Variants in PRRC2C observed in about 807,000 individuals in gnomAD.
The protein encoded by PRRC2C is proline rich coiled-coil 2C, also known as protein PRRC2C.
A neutral mutation model predicts 317.2 loss-of-function variants in PRRC2C; 72 were observed. The ratio of observed to expected loss-of-function variants is 0.23; its 90% CI spans 0.19 to 0.28. The LOEUF is 0.28. PRRC2C is among the 10% of genes least tolerant of loss of function. The pLI, the probability that PRRC2C is intolerant of heterozygous loss-of-function variation, is 1.00. For missense variants in PRRC2C, 3,074 were observed against 3,459.7 expected, an observed-to-expected ratio of 0.89 and a Z score of 2.80; for synonymous variants, 1,296 against 1,205.9, an observed-to-expected ratio of 1.07 and a Z score of -1.55.
chr1:171,574,686 G>A (rs966219066), intron 24 of PRRC2C, among the ~76,000 whole-genome samples: 5 of 152,144 alleles, frequency 3.3e-5, no homozygotes, highest in African/African-American at 1.2e-4. Flanking sequence ...AGGGATAAGG[G>A]CTCATGTTTA....
intron 18 of PRRC2C, among the ~76,000 whole-genome samples, chr1:171,555,374 TC>T (rs1215224752): frequency 1.3e-5 from 2 of 152,226 alleles, no homozygotes; most frequent in Non-Finnish European, 2.9e-5. Flanking sequence ...TAATCTTTTT[TC>T]AAGGTTTTTA....
Position 171,577,593 on chromosome 1 carries a change from A to C in PRRC2C, c.7115A>C (p.Gln2372Pro). ...AGCTGTATGCCTTCCCTTATTGCCC[A>C]GCAGCAACAGAATCCGCAAGTTTAT... ...QLSCMPSLIA[Q>P]QQQNPQVYVS... Residue 2372 changes from glutamine (Q) to proline (P), a missense_variant, in exon 26 of 35, where the codon CAG becomes CCG. Gln to Pro is a moderately conservative substitution (Grantham distance 76). Coordinates refer to ENST00000647382, the MANE Select transcript of PRRC2C (RefSeq NM_001387844.1). 1 of 1,613,824 alleles carries C rather than the reference A, an allele frequency of 6.2e-7. No individual in the cohort carries two copies. Among genetic ancestry groups the C allele is most frequent in the Non-Finnish European group, 8.5e-7 (1 of 1,179,810 alleles).
intron 18 of PRRC2C, 94 bp downstream of exon 18, chr1:171,550,334 G>T: frequency 8.6e-7 from 1 of 1,156,612 alleles, no homozygotes; most frequent in Non-Finnish European, 1.2e-6. Context: ...TGTCAAGGCT[G>T]TTTTCATTAT....
chr1:171,577,950 C>CTTTTTTTTT (rs59582313), intron 26 of PRRC2C, among the ~76,000 whole-genome samples: 3 of 103,748 alleles, frequency 2.9e-5, no homozygotes, highest in Non-Finnish European at 5.6e-5. Flanking sequence ...GCTAATTTTT[C>CTTTTTTTTT]TTTTTTTTTT....
At chr1:171,518,885 C>CTTT (rs767023404) in intron 6 of PRRC2C, among the ~76,000 whole-genome samples, 1 of 130,868 alleles carries the variant, frequency 7.6e-6, no homozygotes, top group Non-Finnish European at 1.7e-5. Flanking sequence ...TTTCCTACCA[C>CTTT]TTTTTTTTTT....
chr1:171,523,874 A>G (rs1557911618), intron 9 of PRRC2C, among the ~76,000 whole-genome samples: 1 of 152,054 alleles, frequency 6.6e-6, no homozygotes, highest in Non-Finnish European at 1.5e-5. Flanking sequence ...CATCTCTACT[A>G]AAAATACAAA....
chr1:171,590,915 G>T (rs1236683654), intron 34 of PRRC2C, among the ~76,000 whole-genome samples: 1 of 152,188 alleles, frequency 6.6e-6, no homozygotes, highest in African/African-American at 2.4e-5. Context: ...TCTTTGGATA[G>T]TACAGGTTAC....
intron 32 of PRRC2C, 110 bp downstream of exon 32, chr1:171,587,861 T>C (rs1650411090): frequency 9.3e-6 from 6 of 642,798 alleles, no homozygotes; most frequent in African/African-American, 1.8e-5. Flanking sequence ...AAAGGAATTA[T>C]TAAGACATTC....
In PRRC2C at chr1:171,579,250, G is replaced by C. The variant is rs537356907; in HGVS notation, c.7160-104G>C. On this transcript the variant is annotated intron_variant, in intron 26 of 34. Coordinates refer to ENST00000647382, the MANE Select transcript of PRRC2C (RefSeq NM_001387844.1). ...TTCCATGGCTGTATTTTCAGAGGGT[G>C]CACTTAATTTGGAATCTGCTACAAA... is the stretch of plus-strand genomic sequence containing the variant. 35 of 1,401,710 alleles carry C rather than the reference G, an allele frequency of 2.5e-5. No individual in the cohort carries two copies. In the East Asian group the frequency reaches 8.5e-4, roughly 34 times the overall value. 86.8% of individuals were successfully genotyped at this position (1,401,710 alleles called of 1,614,324 possible). A position where few individuals can be genotyped will look rare whatever the true frequency, so the allele number is the denominator to read the frequency against.
intron 25 of PRRC2C, among the ~76,000 whole-genome samples, chr1:171,576,161 T>TA (rs1175204646): frequency 6.6e-5 from 10 of 152,312 alleles, no homozygotes; most frequent in African/African-American, 2.2e-4. Context: ...CATCTTCACT[T>TA]ATGTTTACTA....
intron 9 of PRRC2C, among the ~76,000 whole-genome samples, chr1:171,524,065 C>T (rs1056972886): frequency 7.2e-5 from 11 of 151,978 alleles, no homozygotes; most frequent in African/African-American, 2.7e-4. Flanking sequence ...AGATGCTTGG[C>T]ACCTAGTTTG....
In PRRC2C at chr1:171,577,651, G is replaced by T. The variant is rs764505511; in HGVS notation, c.7159+14G>T. The T allele has an allele frequency of 6.2e-7, 1 of 1,602,532 alleles. No homozygotes were observed. The highest frequency in any genetic ancestry group is 8.5e-7 in the Non-Finnish European group (1 of 1,169,964). ...AGTCTGCAGCAGGTAATGTTTTTAG[G>T]CTTGAATATAAGGAATTTAGAAAAT... On this transcript the variant is annotated intron_variant, in intron 26 of 34. Transcript: ENST00000647382.
chr1:171,576,503 A>G (rs549835025), intron 25 of PRRC2C, among the ~76,000 whole-genome samples: 1 of 152,230 alleles, frequency 6.6e-6, no homozygotes, highest in Non-Finnish European at 1.5e-5. Flanking sequence ...CAGTATTGAC[A>G]TTTTGGGCTA....
intron 19 of PRRC2C, among the ~76,000 whole-genome samples, chr1:171,560,602 C>A (rs1682487656): frequency 6.6e-6 from 1 of 152,098 alleles, no homozygotes; most frequent in Admixed American, 6.6e-5. Context: ...CAAGATTCCA[C>A]CAGCAAAAAA....
At chr1:171,521,514 T>C (rs1328379758) in intron 6 of PRRC2C, among the ~76,000 whole-genome samples, 1 of 152,208 alleles carries the variant, frequency 6.6e-6, no homozygotes, top group Non-Finnish European at 1.5e-5. Flanking sequence ...GCCATATACA[T>C]AGAAAATTTC....
intron 18 of PRRC2C, among the ~76,000 whole-genome samples, chr1:171,554,334 A>G (rs1449629126): frequency 2.0e-5 from 3 of 152,002 alleles, no homozygotes; most frequent in East Asian, 1.9e-4. Flanking sequence ...ATCTTCCTCC[A>G]TCCCTTTGTT....
intron 1 of PRRC2C, among the ~76,000 whole-genome samples, chr1:171,490,611 A>G (rs1666964379): frequency 6.6e-6 from 1 of 152,222 alleles, no homozygotes; most frequent in Admixed American, 6.5e-5. Context: ...AACAAGACAA[A>G]ATAAGAAGGA....
intron 1 of PRRC2C, among the ~76,000 whole-genome samples, chr1:171,498,732 C>G (rs921739523): frequency 1.3e-5 from 2 of 152,224 alleles, no homozygotes; most frequent in African/African-American, 2.4e-5. Flanking sequence ...GGATGTCCTA[C>G]TGGACATTGA....
chr1:171,536,294 A>G lies in PRRC2C; in HGVS notation c.2293+16A>G, dbSNP rs1676810340. On this transcript the variant is annotated intron_variant, in intron 14 of 34. Coordinates refer to ENST00000647382, the MANE Select transcript of PRRC2C (RefSeq NM_001387844.1). ...ATTCATCCTGGTCAGTTGAATTTGC[A>G]TTTATAGTTTTACAGGATCAAAATT... 1 of 1,609,756 alleles carries G rather than the reference A, an allele frequency of 6.2e-7. No homozygotes were observed. The highest frequency in any genetic ancestry group is 1.3e-5 in the African/African-American group (1 of 75,012).
Sources: gnomAD v4.1 joint callset for allele counts (sites outside exome capture counted in the v4.1 genomes callset) on GRCh38, gnomAD v4.1.1 for gene constraint, MANE v1.5 for transcripts, NCBI Gene and HGNC (gene_info 2026-07-23, HGNC 2026-07-21) for gene names.